Variants in SLX4 observed in about 807,000 individuals in gnomAD.
SLX4 encodes SLX4 structure-specific endonuclease subunit, also known as structure-specific endonuclease subunit SLX4.
Under a neutral mutation model 146.2 loss-of-function variants are expected in SLX4, and 112 were observed. The observed-to-expected ratio is 0.77, with a 90% CI of 0.66 to 0.90. The LOEUF (loss-of-function observed/expected upper bound fraction) is 0.90, where lower values mean the gene tolerates loss of function less well. Ranked by LOEUF, SLX4 falls within the 40% of genes least tolerant of loss-of-function variation. The pLI is 0.00. For synonymous variants in SLX4, 1,061 were observed against 997.7 expected, an observed-to-expected ratio of 1.06 and a Z score of -1.20; for missense variants, 2,563 against 2,392.7, an observed-to-expected ratio of 1.07 and a Z score of -1.49.
At chr16:3,583,679 G>A (rs556500388) in intron 13 of SLX4, among the ~76,000 whole-genome samples, 169 bp from the exon 14 acceptor site, 12 of 152,248 alleles carry the variant, frequency 7.9e-5, no homozygotes, top group African/African-American at 2.6e-4. Flanking sequence ...TATTCTAGGC[G>A]CCAACTAAGC....
chr16:3,583,620 G>C (rs1280546850), intron 13 of SLX4, 110 bp from the exon 14 acceptor site: 4 of 1,213,292 alleles, frequency 3.3e-6, no homozygotes, highest in Non-Finnish European at 4.8e-6. Context: ...AATGGCTTGT[G>C]TGACAAACCA....
In SLX4 at chr16:3,597,607, G is replaced by A. The variant is rs150053867; in HGVS notation, c.1455C>T (p.Asp485=). 1.2e-6 allele frequency: 2 copies of A among 1,614,072 alleles called. No individual in the cohort carries two copies. The highest frequency in any genetic ancestry group is 3.3e-5 in the Admixed American group (2 of 60,014). ...DSETTGRQIE[D]RVALLLSEEV... is the part of the protein sequence containing the mutation. Reference sequence around the variant, plus strand: ...CCTCAGAGAGGAGCAGGGCCACACGGTCCTCTATCTGTCGGCCTGTGGTTT... The same window carrying A: ...CCTCAGAGAGGAGCAGGGCCACACGATCCTCTATCTGTCGGCCTGTGGTTT... Residue 485 remains aspartate, a synonymous_variant, in exon 7 of 15, where the codon GAC becomes GAT. Transcript: ENST00000294008. The surrounding 1 kb of genome is among the most constrained non-coding windows in gnomAD (Gnocchi z 4.4).
chr16:3,591,949 G>T (rs2040599395), intron 11 of SLX4, among the ~76,000 whole-genome samples: 1 of 152,128 alleles, frequency 6.6e-6, no homozygotes, highest in African/African-American at 2.4e-5. Flanking sequence ...GAGGTCAGGA[G>T]TTCAAGAACA....
intron 12 of SLX4, among the ~76,000 whole-genome samples, chr16:3,587,934 G>A (rs2040526430): frequency 6.6e-6 from 1 of 152,156 alleles, no homozygotes; most frequent in Non-Finnish European, 1.5e-5. Flanking sequence ...GCCTGGATGG[G>A]AGCAGCAGCA....
At chr16:3,583,552 C>T (rs1166265077) in intron 13 of SLX4, 42 bp from the exon 14 acceptor site, 2 of 1,607,540 alleles carry the variant, frequency 1.2e-6, no homozygotes, top group African/African-American at 2.7e-5. Flanking sequence ...ACCCACACAG[C>T]TGGTCCACAC....
At position 3,596,264 on chromosome 16, in the gene SLX4, T is replaced by C; in HGVS notation, c.1813A>G (p.Ser605Gly). Reference protein sequence around the residue: ...CGSRGPSPSASQREHQALQDL... With the variant: ...CGSRGPSPSAGQREHQALQDL... ...TGCAGGGCCTGGTGCTCCCTCTGGC[T>C]GGCCGAAGGCGACGGGCCCCTGGAG... Residue 605 changes from serine to glycine, a missense_variant, in exon 8 of 15, where the codon AGC (serine) becomes GGC (glycine). Ser to Gly is a moderately conservative substitution (Grantham distance 56). Transcript: ENST00000294008. The C allele has an allele frequency of 6.4e-7, 1 of 1,562,414 alleles. No individual in the cohort carries two copies. The highest frequency in any genetic ancestry group is 8.7e-7 in the Non-Finnish European group (1 of 1,154,872).
At position 3,602,212 on chromosome 16, in the gene SLX4, C is replaced by T; in HGVS notation, c.856G>A (p.Asp286Asn). ...AACAAACCCTTTTCCTCCAGGCTATCATCATGTGCCGATGCTCCTACCCGT... is the reference window on the plus strand; with the variant it reads ...AACAAACCCTTTTCCTCCAGGCTATTATCATGTGCCGATGCTCCTACCCGT... ...FARVGASAHD[D>N]SLEEKGLFFC... is the part of the protein sequence containing the mutation. Residue 286 changes from aspartate to asparagine, a missense_variant, in exon 4 of 15, where the codon GAT becomes AAT. Physicochemically the swap from Asp to Asn is conservative, Grantham distance 23 (BLOSUM62 1). Transcript: ENST00000294008. 6.2e-7 allele frequency: 1 copy of T among 1,614,160 alleles called. No individual in the cohort carries two copies. Among genetic ancestry groups the T allele is most frequent in the Non-Finnish European group, 8.5e-7 (1 of 1,180,024 alleles).
chr16:3,603,345 G>A (rs1276266310), intron 3 of SLX4, among the ~76,000 whole-genome samples: 2 of 152,200 alleles, frequency 1.3e-5, no homozygotes, highest in Non-Finnish European at 2.9e-5. Context: ...CGTCCAGCCT[G>A]GTTTGGTTTC....
rs1345091959 is a variant in SLX4, at chr16:3,606,478, C to T, written c.756G>A (p.Gly252=). 1 of 1,614,032 alleles carries T rather than the reference C, an allele frequency of 6.2e-7. No homozygotes were observed. The highest frequency in any genetic ancestry group is 1.7e-5 in the Admixed American group (1 of 59,988). Reference sequence around the variant, plus strand: ...ACAGAAACACACTCATCATACCATTCCCCGCCATCATCTCCTCTTGAGGAT... The same window carrying T: ...ACAGAAACACACTCATCATACCATTTCCCGCCATCATCTCCTCTTGAGGAT... ...PKDPQEEMMA[G]NVYGLGPPAP... Residue 252 remains glycine (G), a synonymous_variant, in exon 3 of 15, where the codon GGG becomes GGA. Coordinates refer to ENST00000294008, the MANE Select transcript of SLX4 (RefSeq NM_032444.4).
At chr16:3,585,469 C>A (rs1596517247) in intron 12 of SLX4, among the ~76,000 whole-genome samples, 2 of 151,796 alleles carry the variant, frequency 1.3e-5, no homozygotes, top group South Asian at 4.2e-4. Flanking sequence ...GCCTGTAGTC[C>A]CAGCTGCTTG....
intron 12 of SLX4, among the ~76,000 whole-genome samples, chr16:3,587,265 G>C (rs2040517905): frequency 6.6e-6 from 1 of 152,186 alleles, no homozygotes; most frequent in Non-Finnish European, 1.5e-5. Context: ...GGGAGGCCGA[G>C]GTGGGCGGAT....
chr16:3,608,766 T>C lies in SLX4; in HGVS notation c.199A>G (p.Ile67Val), dbSNP rs751802145. 19 of 1,614,060 alleles carry C rather than the reference T, an allele frequency of 1.2e-5. No homozygotes were observed. The highest frequency in any genetic ancestry group is 1.6e-5 in the Non-Finnish European group (19 of 1,180,050). Residue 67 changes from isoleucine (I) to valine (V), a missense_variant, in exon 2 of 15, where the codon ATC becomes GTC. Transcript: ENST00000294008. Reference protein sequence around the residue: ...SFFQRVKKHGIKEVSGERKTQ... With the variant: ...SFFQRVKKHGVKEVSGERKTQ... ...TTCCTTTCTCCTGACACTTCCTTGA[T>C]TCCATGTTTTTTCACCCTTTGGAAA...
At chr16:3,587,569 GA>G (rs2040522186) in intron 12 of SLX4, among the ~76,000 whole-genome samples, 1 of 152,200 alleles carries the variant, frequency 6.6e-6, no homozygotes, top group Non-Finnish European at 1.5e-5. Context: ...TGTCTCCTGA[GA>G]AAAGCACGAT....
Position 3,583,275 on chromosome 16 carries a change from G to A in SLX4, c.4975C>T (p.Pro1659Ser). ...TGTCGGGGGCCCTTGGTCTTAGCAG[G>A]TCCCTTGGGCCTATGGGCCCCAGGT... The part of the protein sequence containing the change: ...TGPGAHRPKG[P>S]AKTKGPRHQR... Residue 1659 changes from proline to serine, a missense_variant, in exon 14 of 15, where the codon CCT (proline) becomes TCT (serine). Coordinates refer to ENST00000294008, the MANE Select transcript of SLX4 (RefSeq NM_032444.4). 1 of 1,614,196 alleles carries A rather than the reference G, an allele frequency of 6.2e-7. No homozygotes were observed. Among genetic ancestry groups the A allele is most frequent in the Non-Finnish European group, 8.5e-7 (1 of 1,180,042 alleles).
rs773861381 is a variant in SLX4, at chr16:3,597,643, G to A, written c.1419C>T (p.Val473=). The part of the protein sequence containing the change: ...KPPVSPPLLL[V]QDSETTGRQI... ...GTCGGCCTGTGGTTTCAGAGTCCTGGACTAACAACAATGGGGGGGATACCG... is the reference window on the plus strand; with the variant it reads ...GTCGGCCTGTGGTTTCAGAGTCCTGAACTAACAACAATGGGGGGGATACCG... The change falls in exon 7 of 15, where the codon GTC becomes GTT. Residue 473 remains valine, a synonymous_variant. Coordinates refer to ENST00000294008, the MANE Select transcript of SLX4 (RefSeq NM_032444.4). The surrounding 1 kb of genome is among the most constrained non-coding windows in gnomAD (Gnocchi z 4.4). 6.2e-7 allele frequency: 1 copy of A among 1,605,350 alleles called. No homozygotes were observed. Among genetic ancestry groups the A allele is most frequent in the African/African-American group, 1.3e-5 (1 of 74,734 alleles).
At chr16:3,604,924 ATTT>A (rs544664658) in intron 3 of SLX4, among the ~76,000 whole-genome samples, 12 of 133,830 alleles carry the variant, frequency 9.0e-5, no homozygotes, top group Admixed American at 1.5e-4. Context: ...ATTCATTGTA[ATTT>A]TTTTTTTTTT....
chr16:3,600,040 T>G (rs1331994046), intron 5 of SLX4, among the ~76,000 whole-genome samples: 2 of 152,170 alleles, frequency 1.3e-5, no homozygotes, highest in African/African-American at 4.8e-5. Flanking sequence ...GTCCCCAACC[T>G]TTTTGGTACC....
intron 5 of SLX4, 61 bp downstream of exon 5, chr16:3,600,918 A>G (rs1198953789): frequency 6.3e-7 from 1 of 1,586,654 alleles, no homozygotes; most frequent in Non-Finnish European, 8.6e-7. Context: ...TTTTAAATAG[A>G]AAAAGCCCTG....
At position 3,610,500 on chromosome 16, in the gene SLX4, G is replaced by A. The variant is rs575542989; in HGVS notation, c.-602-934C>T. On this transcript the variant is annotated intron_variant, in intron 1 of 14. Transcript: ENST00000294008. ...AGTCAAACTCGTTTAATCCTTACAAGAAGCCTATATGGTGGAATCTCTTGT... is the reference window on the plus strand; with the variant it reads ...AGTCAAACTCGTTTAATCCTTACAAAAAGCCTATATGGTGGAATCTCTTGT... Among the ~76,000 whole-genome samples, 5 of 152,274 alleles carry A rather than the reference G, an allele frequency of 3.3e-5. No homozygotes were observed. The East Asian group carries it at 9.6e-4, about 29-fold the overall frequency.
Sources: gnomAD v4.1 joint callset for allele counts (sites outside exome capture counted in the v4.1 genomes callset) on GRCh38, gnomAD v4.1.1 for gene constraint, Gnocchi (gnomAD v3.1) non-coding constraint, MANE v1.5 for transcripts, NCBI Gene and HGNC (gene_info 2026-07-23, HGNC 2026-07-21) for gene names.